The following CFAP54 variants were observed in gnomAD, a reference collection of about 807,000 sequenced individuals.
The protein encoded by CFAP54 is cilia and flagella associated protein 54.
Under a neutral mutation model 370.4 loss-of-function variants are expected in CFAP54, and 290 were observed. The ratio of observed to expected loss-of-function variants is 0.78; its 90% CI spans 0.71 to 0.86. The LOEUF (loss-of-function observed/expected upper bound fraction) is 0.86, where lower values mean the gene tolerates loss of function less well. CFAP54 is among the 40% of genes least tolerant of loss of function. CFAP54 has a pLI of 0.00. For missense variants in CFAP54, 3,399 were observed against 3,528.7 expected (o/e 0.96, Z 0.93); for synonymous variants, 1,206 against 1,236.5 (o/e 0.98, Z 0.52).
intron 13 of CFAP54, among the ~76,000 whole-genome samples, chr12:96,539,774 C>T (rs1355538265): frequency 3.3e-5 from 5 of 152,110 alleles, no homozygotes; most frequent in Middle Eastern, 3.4e-3. Flanking sequence ...AATACAGAGA[C>T]GTAAGAGTGT....
At chr12:96,636,335 A>G (rs1165618560) in intron 32 of CFAP54, among the ~76,000 whole-genome samples, 1 of 152,088 alleles carries the variant, frequency 6.6e-6, no homozygotes, top group African/African-American at 2.4e-5. Context: ...GTTCCTTTTG[A>G]TGAATTATAT....
chr12:96,713,327 A>C (rs1268940171), intron 48 of CFAP54, among the ~76,000 whole-genome samples: 2 of 152,136 alleles, frequency 1.3e-5, no homozygotes, highest in Non-Finnish European at 2.9e-5. Context: ...TATGATATAT[A>C]TACACGATGA....
Position 96,764,764 on chromosome 12 carries a change from A to G in CFAP54, c.8140-313A>G, listed in dbSNP as rs547520796. The stretch of plus-strand genomic sequence containing the variant: ...AGTTCTCTTTGTTTCACCTTTTCTC[A>G]GTGAAACTATTGGCAGATATACATG... On this transcript the variant is annotated intron_variant, in intron 59 of 67. Transcript: ENST00000524981. Among the ~76,000 whole-genome samples the G allele has an allele frequency of 1.7e-3, 263 of 152,330 alleles. 3 individuals are homozygous for G. Among genetic ancestry groups the G allele is most frequent in the Non-Finnish European group, 3.2e-3 (218 of 68,030 alleles).
chr12:96,628,417 T>C (rs913574300), intron 30 of CFAP54, among the ~76,000 whole-genome samples: 5 of 152,140 alleles, frequency 3.3e-5, no homozygotes, highest in African/African-American at 1.2e-4. Flanking sequence ...TGGCAAAGAC[T>C]GTAGTCTAAA....
At chr12:96,507,226 T>C in intron 4 of CFAP54, 127 bp downstream of exon 4, 2 of 748,568 alleles carry the variant, frequency 2.7e-6, no homozygotes, top group Non-Finnish European at 3.9e-6. Context: ...GAATATATTT[T>C]TTTCAACATT....
In CFAP54 at chr12:96,616,376, G is replaced by T. The variant is rs144304047; in HGVS notation, c.3640-5214G>T. 6.4e-3 allele frequency among the ~76,000 whole-genome samples: 978 copies of T among 151,728 alleles called. 6 individuals are homozygous for T. Among genetic ancestry groups the T allele is most frequent in the South Asian group, 0.016 (75 of 4,794 alleles). The stretch of plus-strand genomic sequence containing the variant: ...GGGGCCTGTCGTGGGGTGGTGGGAG[G>T]GGGGAGGGATAGCATTAGGAGATAT... On this transcript the variant is annotated intron_variant, in intron 26 of 67. Transcript: ENST00000524981.
Position 96,679,844 on chromosome 12 carries a change from C to T in CFAP54, c.5716+92C>T, listed in dbSNP as rs1957251325. The stretch of plus-strand genomic sequence containing the variant: ...CTTCTGCCCTCTCATTCTTCCCTCC[C>T]CGTGTACATGCAACACTCCCTGATG... On this transcript the variant is annotated intron_variant, in intron 40 of 67. Coordinates refer to ENST00000524981, the MANE Select transcript of CFAP54 (RefSeq NM_001306084.2). 3.1e-6 allele frequency: 4 copies of T among 1,290,054 alleles called. No homozygotes were observed. The Admixed American group carries it at 7.6e-5, about 24-fold the overall frequency. 79.9% of individuals were successfully genotyped at this position (1,290,054 alleles called of 1,614,324 possible).
At chr12:96,594,480 C>G (rs931541755) in intron 25 of CFAP54, 34 bp downstream of exon 25, 2 of 1,403,704 alleles carry the variant, frequency 1.4e-6, no homozygotes, top group Non-Finnish European at 1.9e-6. Flanking sequence ...AGAAGGGAAT[C>G]TTTATAAAGG....
chr12:96,677,255 C>G (rs563891875), intron 39 of CFAP54, among the ~76,000 whole-genome samples: 28 of 151,962 alleles, frequency 1.8e-4, no homozygotes, highest in African/African-American at 5.8e-4. Flanking sequence ...AAGGGATCCT[C>G]CCTGCCTCAT....
At chr12:96,705,420 TG>T in intron 47 of CFAP54, among the ~76,000 whole-genome samples, 1 of 152,042 alleles carries the variant, frequency 6.6e-6, no homozygotes. Flanking sequence ...GATGATTCAT[TG>T]TTTTTTTTTT....
At position 96,605,807 on chromosome 12, in the gene CFAP54, A is replaced by G. The variant is rs553926767; in HGVS notation, c.3639+7040A>G. Among the ~76,000 whole-genome samples the G allele has an allele frequency of 2.0e-5, 3 of 152,300 alleles. No individual in the cohort carries two copies. In the South Asian group the frequency reaches 6.2e-4, roughly 32 times the overall value. Reference sequence around the variant, plus strand: ...ACAACAGGGATGCAGGAAGATGACCACTAAGGGATAGGATGATTGGGGAAG... The same window carrying G: ...ACAACAGGGATGCAGGAAGATGACCGCTAAGGGATAGGATGATTGGGGAAG... On this transcript the variant is annotated intron_variant, in intron 26 of 67. Coordinates refer to ENST00000524981, the MANE Select transcript of CFAP54 (RefSeq NM_001306084.2).
intron 66 of CFAP54, among the ~76,000 whole-genome samples, chr12:96,851,908 T>G (rs879440243): frequency 7.2e-5 from 11 of 151,992 alleles, no homozygotes; most frequent in Non-Finnish European, 1.6e-4. Context: ...TTTTAACAGG[T>G]GTAAGTATGG....
chr12:96,804,362 G>C (rs1003274126), intron 63 of CFAP54, among the ~76,000 whole-genome samples: 1 of 152,062 alleles, frequency 6.6e-6, no homozygotes, highest in African/African-American at 2.4e-5. Context: ...TCTGTTTGCT[G>C]ATCTTAAAAC....
chr12:96,661,328 CAAG>C (rs1956992413), intron 38 of CFAP54, among the ~76,000 whole-genome samples: 1 of 152,100 alleles, frequency 6.6e-6, no homozygotes, highest in South Asian at 2.1e-4. Flanking sequence ...AGTTGTATGT[CAAG>C]AAACAGGGAC....
intron 58 of CFAP54, among the ~76,000 whole-genome samples, chr12:96,760,821 C>T: frequency 6.6e-6 from 1 of 152,154 alleles, no homozygotes; most frequent in Non-Finnish European, 1.5e-5. Flanking sequence ...AATAGTGTCT[C>T]ATTATATGGA....
intron 34 of CFAP54, 22 bp from the exon 35 acceptor site, chr12:96,649,869 A>C: frequency 6.7e-7 from 1 of 1,502,178 alleles, no homozygotes. Context: ...TAATCATGTC[A>C]TATCTTATTT....
chr12:96,677,895 C>T (rs937493897), intron 39 of CFAP54, among the ~76,000 whole-genome samples: 1 of 152,130 alleles, frequency 6.6e-6, no homozygotes, highest in Admixed American at 6.5e-5. Flanking sequence ...ATCAGGACCT[C>T]CCTGCTCCCT....
At chr12:96,526,342 C>CAGCAGGTTCTAAACAGTCACTAGCCTGTT (rs1396547755) in intron 8 of CFAP54, among the ~76,000 whole-genome samples, 3 of 152,194 alleles carry the variant, frequency 2.0e-5, no homozygotes, top group Non-Finnish European at 4.4e-5. Flanking sequence ...TGGGAACCCA[C>CAGCAGGTTCTAAACAGTCACTAGCCTGTT]AGCAGGTTCT....
intron 17 of CFAP54, among the ~76,000 whole-genome samples, chr12:96,560,467 A>T (rs1000440959): frequency 5.3e-5 from 8 of 152,196 alleles, no homozygotes; most frequent in Admixed American, 2.6e-4. Flanking sequence ...CTAAGAAGTA[A>T]TCAAAAATCA....
Sources: allele counts gnomAD v4.1 joint callset (sites outside exome capture counted in the v4.1 genomes callset), GRCh38; gene constraint gnomAD v4.1.1; transcripts MANE v1.5; gene names NCBI Gene and HGNC (gene_info 2026-07-23, HGNC 2026-07-21).